Variants in MGAT5 observed in about 807,000 individuals in gnomAD.
The protein encoded by MGAT5 is alpha-1,6-mannosylglycoprotein 6-beta-N-acetylglucosaminyltransferase A.
In MGAT5, 30 loss-of-function variants were observed where a neutral mutation model predicts 94.3. That is an observed-to-expected ratio of 0.32 (90% confidence interval 0.24 to 0.43). The LOEUF (loss-of-function observed/expected upper bound fraction) is 0.43, where lower values mean the gene tolerates loss of function less well. MGAT5 is among the 20% of genes least tolerant of loss of function. The pLI is 1.00. For synonymous variants in MGAT5, 310 were observed against 322.9 expected, an observed-to-expected ratio of 0.96 and a Z score of 0.43; for missense variants, 691 against 905.5, an observed-to-expected ratio of 0.76 and a Z score of 3.04.
chr2:134,148,761 T>G (rs1283108305), intron 1 of MGAT5, among the ~76,000 whole-genome samples: 19 of 143,254 alleles, frequency 1.3e-4, no homozygotes, highest in East Asian at 1.2e-3. Flanking sequence ...TTTCTTAGGT[T>G]TTTTTTTTTT....
chr2:134,273,028 CGCGT>C lies in MGAT5; in HGVS notation c.406+2482_406+2485del, dbSNP rs1029145204. On this transcript the variant is annotated intron_variant, in intron 2 of 15. Transcript: ENST00000281923. ...GTGTGTCTGTGTGTGTGTGCGCGCG[CGCGT>C]GCGCGTGCATGCATGCAGAGGCATC... Among the ~76,000 whole-genome samples the C allele has an allele frequency of 1.5e-4, 19 of 123,694 alleles. No homozygotes were observed. In the South Asian group the frequency reaches 1.8e-3, roughly 11 times the overall value. The allele number at this position is 123,694 out of a possible 152,430, so 81.1% of individuals were successfully genotyped here. A position where few individuals can be genotyped will look rare whatever the true frequency, so the allele number is the denominator to read the frequency against.
At chr2:134,433,668 G>C (rs1685008287) in intron 14 of MGAT5, among the ~76,000 whole-genome samples, 1 of 152,200 alleles carries the variant, frequency 6.6e-6, no homozygotes, top group Non-Finnish European at 1.5e-5. Context: ...CCTGGCACCT[G>C]AGGTGTGCTA....
intron 1 of MGAT5, among the ~76,000 whole-genome samples, chr2:134,156,496 C>G (rs1307554080): frequency 1.3e-5 from 2 of 152,090 alleles, no homozygotes; most frequent in Admixed American, 1.3e-4. Flanking sequence ...ACAGGATCCC[C>G]CAGGAGAAGA....
intron 9 of MGAT5, among the ~76,000 whole-genome samples, chr2:134,356,458 C>T (rs1431787567): frequency 6.6e-6 from 1 of 152,066 alleles, no homozygotes; most frequent in East Asian, 1.9e-4. Flanking sequence ...ATTTGGTTGT[C>T]GATTTTATCC....
intron 1 of MGAT5, 88 bp from the exon 2 acceptor site, chr2:134,270,298 G>A: frequency 7.7e-7 from 1 of 1,303,636 alleles, no homozygotes; most frequent in African/African-American, 1.5e-5. Flanking sequence ...CATTTGAGAA[G>A]TTTTGTTCTC....
At chr2:134,122,180 C>T (rs1224604135) in intron 1 of MGAT5, among the ~76,000 whole-genome samples, 1 of 151,992 alleles carries the variant, frequency 6.6e-6, no homozygotes, top group African/African-American at 2.4e-5. Context: ...TCTCGGCTCA[C>T]TGCAGCCTCA....
chr2:134,154,542 C>T (rs1161701469), intron 1 of MGAT5, among the ~76,000 whole-genome samples: 1 of 152,218 alleles, frequency 6.6e-6, no homozygotes, highest in African/African-American at 2.4e-5. Context: ...ATTGCCTGCA[C>T]GGAGCTGTCA....
At chr2:134,437,543 G>T (rs1685227916) in intron 14 of MGAT5, among the ~76,000 whole-genome samples, 1 of 152,146 alleles carries the variant, frequency 6.6e-6, no homozygotes, top group South Asian at 2.1e-4. Flanking sequence ...CCAAATCCAA[G>T]GTGCAGAGAG....
chr2:134,152,448 G>T (rs894751664), intron 1 of MGAT5, among the ~76,000 whole-genome samples: 25 of 151,620 alleles, frequency 1.6e-4, no homozygotes, highest in Non-Finnish European at 3.1e-4. Context: ...CGCCCTATGG[G>T]ACCCGTCCAC....
At position 134,409,113 on chromosome 2, in the gene MGAT5, G is replaced by A. The variant is rs146246877; in HGVS notation, c.1531-3756G>A. 3.9e-4 allele frequency among the ~76,000 whole-genome samples: 59 copies of A among 152,240 alleles called. No individual in the cohort carries two copies. In the East Asian group the frequency reaches 9.5e-3, roughly 24 times the overall value. On this transcript the variant is annotated intron_variant, in intron 11 of 15. Transcript: ENST00000281923. The stretch of plus-strand genomic sequence containing the variant: ...CATAACTCCTGCACACGTAAACTCC[G>A]TCTAAATGATATAAGGCCATGATAT...
chr2:134,323,221 G>A (rs1345213740), intron 4 of MGAT5, among the ~76,000 whole-genome samples: 1 of 152,082 alleles, frequency 6.6e-6, no homozygotes, highest in East Asian at 1.9e-4. Flanking sequence ...TACCCCCACA[G>A]CTGTTTGTTA....
At chr2:134,230,845 C>G (rs1335240428) in intron 1 of MGAT5, among the ~76,000 whole-genome samples, 2 of 152,114 alleles carry the variant, frequency 1.3e-5, no homozygotes, top group African/African-American at 4.8e-5. Context: ...CACACACACA[C>G]ACCCATCAAG....
intron 10 of MGAT5, among the ~76,000 whole-genome samples, chr2:134,364,326 C>T (rs978259924): frequency 6.6e-6 from 1 of 152,070 alleles, no homozygotes; most frequent in Non-Finnish European, 1.5e-5. Flanking sequence ...ATGGTGAAAC[C>T]CTGTCTGTAC....
rs556167964 is a variant in MGAT5, at chr2:134,181,546, G to GC, written c.-143+61255_-143+61256insC. ...AAAACAATCTGACCTCAGCCAGTCT[G>GC]TTTTTTTCTTTTCTTTTTTTTTATT... On this transcript the variant is annotated intron_variant, in intron 1 of 16. Coordinates refer to the MGAT5 transcript ENST00000409645. 3.4e-4 allele frequency among the ~76,000 whole-genome samples: 52 copies of GC among 152,132 alleles called. 2 individuals carry two copies. The East Asian group carries it at 9.5e-3, about 28-fold the overall frequency.
intron 1 of MGAT5, among the ~76,000 whole-genome samples, chr2:134,258,922 A>C (rs1184610614): frequency 1.3e-5 from 2 of 152,214 alleles, no homozygotes; most frequent in Non-Finnish European, 2.9e-5. Context: ...GGTGCCTGAC[A>C]TTGTGTGCTT....
At chr2:134,388,531 C>T (rs1228906133) in intron 10 of MGAT5, among the ~76,000 whole-genome samples, 1 of 151,854 alleles carries the variant, frequency 6.6e-6, no homozygotes, top group South Asian at 2.1e-4. Context: ...TAGATTGTCT[C>T]GATTTTTTCA....
At chr2:134,445,316 T>G (rs931044828) in intron 15 of MGAT5, among the ~76,000 whole-genome samples, 2 of 152,020 alleles carry the variant, frequency 1.3e-5, no homozygotes, top group African/African-American at 4.8e-5. Flanking sequence ...GGTTCTGATT[T>G]GGTAATACTC....
At chr2:134,182,787 T>G (rs912013054) in intron 1 of MGAT5, among the ~76,000 whole-genome samples, 3 of 141,822 alleles carry the variant, frequency 2.1e-5, no homozygotes, top group African/African-American at 8.1e-5. Flanking sequence ...TTAGTTTTTT[T>G]TTTTTTTTTT....
intron 1 of MGAT5, among the ~76,000 whole-genome samples, chr2:134,188,268 C>T (rs1307219272): frequency 1.3e-5 from 2 of 152,204 alleles, no homozygotes; most frequent in African/African-American, 2.4e-5. Context: ...TGTCCAAGGG[C>T]CCTCAAGGGT....
Sources: allele counts gnomAD v4.1 joint callset (sites outside exome capture counted in the v4.1 genomes callset), GRCh38; gene constraint gnomAD v4.1.1; transcripts MANE v1.5; gene names NCBI Gene and HGNC (gene_info 2026-07-23, HGNC 2026-07-21).